The following NAV3 variants were observed in gnomAD, a reference collection of about 807,000 sequenced individuals.
NAV3 encodes the protein pore membrane and/or filament interacting like protein 1.
NAV3 carries 87 observed loss-of-function variants against 244.7 expected under a neutral mutation model. That is an observed-to-expected ratio of 0.36 (90% CI 0.30 to 0.42). NAV3 has a LOEUF of 0.42. Among genes scored for constraint, NAV3 ranks in the 20% least tolerant of loss-of-function variants. NAV3 has a pLI of 1.00. For missense variants in NAV3, 2,663 were observed against 2,893.3 expected (o/e 0.92, Z 1.83); for synonymous variants, 1,126 against 1,042.2 (o/e 1.08, Z -1.55).
intron 3 of NAV3, among the ~76,000 whole-genome samples, chr12:77,960,795 A>G (rs1891838556): frequency 6.8e-6 from 1 of 147,184 alleles, no homozygotes; most frequent in Non-Finnish European, 1.5e-5. Flanking sequence ...TAAATATACA[A>G]TACATATATG....
At chr12:77,822,450 G>A (rs1872784164) in intron 2 of NAV3, among the ~76,000 whole-genome samples, 1 of 152,132 alleles carries the variant, frequency 6.6e-6, no homozygotes, top group Non-Finnish European at 1.5e-5. Flanking sequence ...TATGAGCAGA[G>A]TATACCTAAT....
chr12:77,954,655 G>C (rs1444115549), intron 3 of NAV3, among the ~76,000 whole-genome samples: 2 of 152,166 alleles, frequency 1.3e-5, no homozygotes, highest in African/African-American at 4.8e-5. Context: ...AGAACATAGA[G>C]AAGCTCCAAA....
intron 1 of NAV3, among the ~76,000 whole-genome samples, chr12:77,834,076 G>T (rs1874204133): frequency 6.6e-6 from 1 of 152,118 alleles, no homozygotes; most frequent in African/African-American, 2.4e-5. Context: ...CTAAGGTCTC[G>T]GGGTTTTTAT....
At chr12:77,700,934 A>T (rs1201719663) in intron 2 of NAV3, among the ~76,000 whole-genome samples, 1 of 39,942 alleles carries the variant, frequency 2.5e-5, no homozygotes, top group African/African-American at 4.0e-5. Flanking sequence ...ATTATATATT[A>T]TAAACTCTTT....
chr12:78,113,685 C>A (rs191054412), intron 12 of NAV3, among the ~76,000 whole-genome samples: 1 of 152,128 alleles, frequency 6.6e-6, no homozygotes, highest in South Asian at 2.1e-4. Flanking sequence ...TCTGGGCCTG[C>A]GATGAGTAGG....
intron 2 of NAV3, among the ~76,000 whole-genome samples, chr12:77,766,842 C>T (rs1259453904): frequency 7.0e-6 from 1 of 143,604 alleles, no homozygotes; most frequent in Non-Finnish European, 1.5e-5. Flanking sequence ...AAACCTCCAC[C>T]TCCTGGGTTC....
At chr12:78,021,896 A>G (rs2136820564) in intron 9 of NAV3, 34 bp downstream of exon 9, 2 of 1,370,234 alleles carry the variant, frequency 1.5e-6, no homozygotes, top group Non-Finnish European at 2.0e-6. Flanking sequence ...GGTCAAACCT[A>G]GGAATTTCCG....
intron 2 of NAV3, among the ~76,000 whole-genome samples, chr12:77,674,514 C>A (rs1323145858): frequency 6.6e-6 from 1 of 152,118 alleles, no homozygotes; most frequent in African/African-American, 2.4e-5. Flanking sequence ...TCCCACGTAG[C>A]AAGTAGCTGG....
At chr12:77,677,345 G>C (rs1396786680) in intron 2 of NAV3, among the ~76,000 whole-genome samples, 1 of 152,162 alleles carries the variant, frequency 6.6e-6, no homozygotes, top group Non-Finnish European at 1.5e-5. Flanking sequence ...ATGAAAAAAT[G>C]GAATGTCACA....
At chr12:78,010,157 A>G (rs1485890901) in intron 8 of NAV3, among the ~76,000 whole-genome samples, 1 of 152,210 alleles carries the variant, frequency 6.6e-6, no homozygotes, top group Non-Finnish European at 1.5e-5. Flanking sequence ...AATTTTACAA[A>G]TAATATGTAA....
chr12:77,696,104 A>T (rs1875283528), intron 2 of NAV3, among the ~76,000 whole-genome samples: 1 of 152,158 alleles, frequency 6.6e-6, no homozygotes, highest in African/African-American at 2.4e-5. Flanking sequence ...TCACACTGAG[A>T]TGCCCCAAAC....
intron 12 of NAV3, among the ~76,000 whole-genome samples, chr12:78,115,075 A>G (rs1955306365): frequency 6.6e-6 from 1 of 152,222 alleles, no homozygotes; most frequent in Non-Finnish European, 1.5e-5. Flanking sequence ...AAGTACATAT[A>G]TGATGTAGCT....
chr12:77,588,336 C>G (rs1869735079), intron 2 of NAV3, among the ~76,000 whole-genome samples: 1 of 151,906 alleles, frequency 6.6e-6, no homozygotes, highest in Non-Finnish European at 1.5e-5. Flanking sequence ...CCAGGCTGGT[C>G]TTGAACTCCT....
At chr12:77,725,468 G>A (rs1164415809) in intron 2 of NAV3, among the ~76,000 whole-genome samples, 1 of 137,900 alleles carries the variant, frequency 7.3e-6, no homozygotes, top group East Asian at 2.3e-4. Context: ...GCCTTTGCAA[G>A]TTAGATAGTT....
intron 8 of NAV3, among the ~76,000 whole-genome samples, chr12:78,019,535 T>C (rs947053013): frequency 6.6e-6 from 1 of 152,118 alleles, no homozygotes; most frequent in African/African-American, 2.4e-5. Flanking sequence ...ATGAAGTGCT[T>C]ATAATTGGAG....
rs189039851 is a variant in NAV3 at position 77,704,777 on chromosome 12, A to G, written c.72+132511A>G. On this transcript the variant is annotated intron_variant, in intron 2 of 8. Transcript: ENST00000550042. ...TAAGTAGATCAGAGAAGGCATATAA[A>G]TGGTTTACTTCTCACATTTTGAATA... Among the ~76,000 whole-genome samples the G allele has an allele frequency of 5.8e-4, 89 of 152,272 alleles. No homozygotes were observed. The Middle Eastern group carries it at 0.01, about 17-fold the overall frequency.
intron 2 of NAV3, among the ~76,000 whole-genome samples, chr12:77,786,598 T>C (rs1215814426): frequency 6.6e-6 from 1 of 152,174 alleles, no homozygotes; most frequent in Non-Finnish European, 1.5e-5. Context: ...TTTTAACATT[T>C]TGAAACAGTT....
chr12:78,154,603 T>C (rs775243750), intron 22 of NAV3, among the ~76,000 whole-genome samples: 20 of 151,618 alleles, frequency 1.3e-4, no homozygotes, highest in Non-Finnish European at 2.7e-4. Flanking sequence ...CCTTTACTAA[T>C]ACTCAGTCTT....
At chr12:78,183,102 C>A (rs1239238601) in intron 30 of NAV3, among the ~76,000 whole-genome samples, 1 of 151,932 alleles carries the variant, frequency 6.6e-6, no homozygotes, top group Non-Finnish European at 1.5e-5. Context: ...GAATGGCAGA[C>A]CTCTTTAATT....
Sources: gnomAD v4.1 joint callset for allele counts (sites outside exome capture counted in the v4.1 genomes callset) on GRCh38, gnomAD v4.1.1 for gene constraint, MANE v1.5 for transcripts, NCBI Gene and HGNC (gene_info 2026-07-23, HGNC 2026-07-21) for gene names.